The following ELMOD3 variants were observed in gnomAD, a reference collection of about 807,000 sequenced individuals.
ELMOD3 encodes ELMO domain-containing protein 3.
Under a neutral mutation model 47.4 loss-of-function variants are expected in ELMOD3, and 36 were observed. That is an observed-to-expected ratio of 0.76 (90% CI 0.58 to 1.00). The LOEUF (loss-of-function observed/expected upper bound fraction) is 1.00. Among genes scored for constraint, ELMOD3 ranks in the 50% least tolerant of loss-of-function variants. The probability of loss-of-function intolerance (pLI) is 0.00; values close to 1 mark genes in which losing one functional copy is unlikely to be tolerated. For synonymous variants in ELMOD3, 149 were observed against 183.5 expected (o/e 0.81, Z 1.52); for missense variants, 404 against 463.8 (o/e 0.87, Z 1.18).
At chr2:85,369,969 AC>A in intron 8 of ELMOD3, 139 bp downstream of exon 8, 1 of 1,051,454 alleles carries the variant, frequency 9.5e-7, no homozygotes, top group Non-Finnish European at 1.3e-6. Flanking sequence ...GTGGCCTAGG[AC>A]CCATGCTTCA....
Position 85,390,776 on chromosome 2 carries a change from CAAG to C in ELMOD3, c.965_967del (p.Lys322del), listed in dbSNP as rs1330331868. 3 of 1,551,074 alleles carry C rather than the reference CAAG, an allele frequency of 1.9e-6. No homozygotes were observed. In the East Asian group the frequency reaches 7.3e-5, roughly 38 times the overall value. On this transcript the variant is annotated inframe_deletion, in exon 14 of 14. Coordinates refer to ENST00000409013, the MANE Select transcript of ELMOD3 (RefSeq NM_001135022.2). ...CTGTTGCAGAGTTGGAAGTATTGGCCAAGAAGAGCCCACGGCGGCTGCTCAAGA... is the reference window on the plus strand; with the variant it reads ...CTGTTGCAGAGTTGGAAGTATTGGCCAAGAGCCCACGGCGGCTGCTCAAGA...
intron 11 of ELMOD3, among the ~76,000 whole-genome samples, chr2:85,377,903 C>T (rs1448079685): frequency 1.3e-5 from 2 of 152,146 alleles, no homozygotes; most frequent in Non-Finnish European, 2.9e-5. Flanking sequence ...TTTCTATTGG[C>T]TGGAATGGGA....
chr2:85,370,982 G>A, intron 8 of ELMOD3, 104 bp from the exon 9 acceptor site: 1 of 1,347,944 alleles, frequency 7.4e-7, no homozygotes, highest in Non-Finnish European at 1.0e-6. Context: ...AGATAGCTGG[G>A]GGAGTTACTT....
At chr2:85,385,271 T>C (rs1685846947) in intron 11 of ELMOD3, among the ~76,000 whole-genome samples, 1 of 152,222 alleles carries the variant, frequency 6.6e-6, no homozygotes. Context: ...CTCATGTCTG[T>C]ATGAAGAGAC....
At chr2:85,368,853 A>G (rs893402509) in intron 7 of ELMOD3, 99 bp downstream of exon 7, 20 of 1,259,782 alleles carry the variant, frequency 1.6e-5, no homozygotes, top group Non-Finnish European at 2.3e-5. Flanking sequence ...GGACTAGGAG[A>G]TAGAATTCCT....
In ELMOD3 at chr2:85,369,727, G is replaced by A. The variant is rs368463560; in HGVS notation, c.269-12G>A. The A allele has an allele frequency of 5.5e-5, 88 of 1,612,470 alleles. No homozygotes were observed. The Admixed American group carries it at 5.7e-4, about 10-fold the overall frequency. ...TCCTATAAATCCTGGCATGTCTTCC[G>A]TTTTGCCACAGGGAGCCAAGCTAGC... On this transcript the variant is annotated splice_polypyrimidine_tract_variant and intron_variant, in intron 7 of 13. Transcript: ENST00000409013.
chr2:85,373,804 G>A (rs890659670), intron 10 of ELMOD3, among the ~76,000 whole-genome samples: 25 of 149,062 alleles, frequency 1.7e-4, no homozygotes, highest in Admixed American at 2.7e-4. Flanking sequence ...TCACCACTGC[G>A]CTCCAGCTTG....
At chr2:85,364,517 GAGGTTGC>G (rs1390709156) in intron 6 of ELMOD3, among the ~76,000 whole-genome samples, 1 of 151,362 alleles carries the variant, frequency 6.6e-6, no homozygotes, top group African/African-American at 2.4e-5. Flanking sequence ...CTGGGAGGCA[GAGGTTGC>G]AGTGAGCCGA....
At chr2:85,378,503 A>ACTAGAAGCAAAAGCGGGAGGACT (rs1473250569) in intron 11 of ELMOD3, among the ~76,000 whole-genome samples, 13 of 152,370 alleles carry the variant, frequency 8.5e-5, no homozygotes, top group South Asian at 4.1e-4. Context: ...AGGCGGGACA[A>ACTAGAAGCAAAAGCGGGAGGACT]CTAGAAGCAA....
chr2:85,388,643 T>C (rs1490116428), intron 11 of ELMOD3, among the ~76,000 whole-genome samples: 1 of 152,204 alleles, frequency 6.6e-6, no homozygotes, highest in East Asian at 1.9e-4. Context: ...TGTCCAGAAC[T>C]TTCTGCAGTG....
intron 11 of ELMOD3, among the ~76,000 whole-genome samples, chr2:85,378,044 GGAA>G (rs1296390829): frequency 1.3e-4 from 20 of 152,188 alleles, no homozygotes; most frequent in Admixed American, 1.2e-3. Flanking sequence ...CTTCAAATAA[GGAA>G]GAAGAATAGG....
At position 85,390,215 on chromosome 2, in the gene ELMOD3, T is replaced by C. The variant is rs1407041662; in HGVS notation, c.893T>C (p.Val298Ala). The change falls in exon 13 of 14, where the codon GTC (valine) becomes GCC (alanine). Residue 298 changes from valine to alanine, a missense_variant. Val to Ala is a moderately conservative substitution (Grantham distance 64, BLOSUM62 0). Coordinates refer to ENST00000409013, the MANE Select transcript of ELMOD3 (RefSeq NM_001135022.2). ...YAATFLHLAH[V>A]WRTQRKTISD... ...GCCACATTCCTCCACCTCGCACATG[T>C]CTGGAGGACACAGCGGAAGACCATC... 1 of 1,614,174 alleles carries C rather than the reference T, an allele frequency of 6.2e-7. No homozygotes were observed. Among genetic ancestry groups the C allele is most frequent in the South Asian group, 1.1e-5 (1 of 91,090 alleles).
chr2:85,364,825 A>ATATATTT (rs375582916), intron 6 of ELMOD3, among the ~76,000 whole-genome samples: 10 of 69,892 alleles, frequency 1.4e-4, no homozygotes, highest in African/African-American at 5.3e-4. Flanking sequence ...ATATATATAT[A>ATATATTT]TTTTTTTTTT....
At chr2:85,381,606 T>C (rs1685541580) in intron 11 of ELMOD3, among the ~76,000 whole-genome samples, 1 of 152,238 alleles carries the variant, frequency 6.6e-6, no homozygotes, top group Non-Finnish European at 1.5e-5. Context: ...TGCATCAGTG[T>C]GCCTTTGACA....
At chr2:85,378,178 G>A (rs1038622835) in intron 11 of ELMOD3, among the ~76,000 whole-genome samples, 1 of 152,212 alleles carries the variant, frequency 6.6e-6, no homozygotes, top group African/African-American at 2.4e-5. Context: ...AGATATTTAA[G>A]AACGTTAGCA....
At chr2:85,390,640 CTT>C (rs1262756275) in intron 13 of ELMOD3, 118 bp from the exon 14 acceptor site, 12 of 1,489,182 alleles carry the variant, frequency 8.1e-6, no homozygotes, top group Non-Finnish European at 1.1e-5. Flanking sequence ...GGCTCCTTCA[CTT>C]TCTCTCCATG....
At chr2:85,387,300 A>G in intron 11 of ELMOD3, 4 of 943,112 alleles carry the variant, frequency 4.2e-6, no homozygotes, top group Non-Finnish European at 5.2e-6. Flanking sequence ...TGCACATGTG[A>G]TCTTAAGTAA....
At chr2:85,384,690 A>G (rs1484041806) in intron 11 of ELMOD3, among the ~76,000 whole-genome samples, 2 of 152,158 alleles carry the variant, frequency 1.3e-5, no homozygotes, top group Non-Finnish European at 2.9e-5. Flanking sequence ...GGCTCAAGCA[A>G]TCCTCCCACC....
At chr2:85,389,699 G>A in intron 11 of ELMOD3, 52 bp from the exon 12 acceptor site, 1 of 1,530,534 alleles carries the variant, frequency 6.5e-7, no homozygotes, top group Non-Finnish European at 9.1e-7. Flanking sequence ...CAGATGACAG[G>A]AAACACAGTG....
Sources: allele counts gnomAD v4.1 joint callset (sites outside exome capture counted in the v4.1 genomes callset), GRCh38; gene constraint gnomAD v4.1.1; transcripts MANE v1.5; gene names NCBI Gene and HGNC (gene_info 2026-07-23, HGNC 2026-07-21).